Variants in PIK3C2G observed in about 807,000 individuals in gnomAD.
PIK3C2G encodes the protein phosphatidylinositol 3-kinase C2 domain-containing subunit gamma.
A neutral mutation model predicts 181.1 loss-of-function variants in PIK3C2G; 168 were observed. The observed-to-expected ratio is 0.93, with a 90% CI of 0.82 to 1.05. PIK3C2G has a LOEUF of 1.05. Ranked by LOEUF, PIK3C2G falls within the 50% of genes least tolerant of loss-of-function variation. The probability of loss-of-function intolerance (pLI) is 0.00; values close to 1 mark genes in which losing one functional copy is unlikely to be tolerated. For synonymous variants in PIK3C2G, 573 were observed against 592.2 expected (o/e 0.97, Z 0.47); for missense variants, 1,869 against 1,732.8 (o/e 1.08, Z -1.40).
chr12:18,296,814 T>C (rs1297548907), intron 5 of PIK3C2G, among the ~76,000 whole-genome samples: 1 of 152,004 alleles, frequency 6.6e-6, no homozygotes, highest in Non-Finnish European at 1.5e-5. Flanking sequence ...ACAGAGCAAA[T>C]TAAAGAATCA....
intron 13 of PIK3C2G, among the ~76,000 whole-genome samples, chr12:18,372,073 TA>T (rs1217591857): frequency 6.6e-6 from 1 of 152,168 alleles, no homozygotes; most frequent in East Asian, 1.9e-4. Context: ...GATACAAAAA[TA>T]TTTTTTTAAT....
At chr12:18,639,046 T>C (rs913886242) in intron 31 of PIK3C2G, among the ~76,000 whole-genome samples, 6 of 151,902 alleles carry the variant, frequency 3.9e-5, no homozygotes, top group African/African-American at 1.4e-4. Context: ...TAGATTTCAG[T>C]GCTCCCCCTC....
chr12:18,473,729 T>C (rs987502302), intron 18 of PIK3C2G, among the ~76,000 whole-genome samples: 1 of 152,164 alleles, frequency 6.6e-6, no homozygotes, highest in African/African-American at 2.4e-5. Context: ...GCTATTGTTG[T>C]TATGATTATT....
intron 22 of PIK3C2G, 23 bp from the exon 23 acceptor site, chr12:18,503,258 G>C: frequency 6.4e-7 from 1 of 1,574,298 alleles, no homozygotes; most frequent in Non-Finnish European, 8.6e-7. Context: ...AATTGTCTCT[G>C]TAATCTTTTT....
rs565346990 is a variant in PIK3C2G, at chr12:18,332,451, A to T, written c.1273-5975A>T. ...GTCTCAGGACTAGGACTCTTGGAGC[A>T]TTCCTGCCCCTCCTCCACATGGCGG... On this transcript the variant is annotated intron_variant, in intron 8 of 32. Transcript: ENST00000538779. 3.3e-5 allele frequency among the ~76,000 whole-genome samples: 5 copies of T among 152,242 alleles called. No individual in the cohort carries two copies. In the South Asian group the frequency reaches 1.0e-3, roughly 32 times the overall value.
intron 3 of PIK3C2G, among the ~76,000 whole-genome samples, chr12:18,289,214 A>T (rs951741707): frequency 5.9e-5 from 9 of 152,188 alleles, no homozygotes; most frequent in African/African-American, 2.2e-4. Flanking sequence ...GTTTCAAAAG[A>T]GGTTCTCCAA....
chr12:18,303,158 TC>T (rs1565575767), intron 5 of PIK3C2G, among the ~76,000 whole-genome samples: 1 of 115,678 alleles, frequency 8.6e-6, no homozygotes, highest in Non-Finnish European at 1.8e-5. Context: ...CTTTCTTCTT[TC>T]TCTTTCTTTC....
chr12:18,315,440 G>C (rs951749398), intron 6 of PIK3C2G, among the ~76,000 whole-genome samples: 32 of 152,134 alleles, frequency 2.1e-4, no homozygotes, highest in South Asian at 6.2e-4. Flanking sequence ...TGGAGCATGG[G>C]GGAAGAAGAT....
chr12:18,326,863 G>A (rs1369243033), intron 8 of PIK3C2G, among the ~76,000 whole-genome samples: 1 of 152,154 alleles, frequency 6.6e-6, no homozygotes, highest in Admixed American at 6.5e-5. Flanking sequence ...ACCTACTTAT[G>A]AATGAATTTT....
the PIK3C2G span, among the ~76,000 whole-genome samples, chr12:18,694,656 T>A: frequency 6.6e-6 from 1 of 152,204 alleles, no homozygotes; most frequent in Middle Eastern, 3.4e-3. Flanking sequence ...AATCATATAG[T>A]AGAACTTTGA....
chr12:18,629,996 T>C (rs986363691), intron 31 of PIK3C2G, among the ~76,000 whole-genome samples: 22 of 152,164 alleles, frequency 1.4e-4, no homozygotes, highest in Non-Finnish European at 2.6e-4. Context: ...ACACACCTCA[T>C]TGACTCAGTC....
intron 21 of PIK3C2G, among the ~76,000 whole-genome samples, chr12:18,497,384 G>C: frequency 6.6e-6 from 1 of 152,114 alleles, no homozygotes; most frequent in East Asian, 1.9e-4. Flanking sequence ...AACATTCCAA[G>C]CAGCACCTCT....
At chr12:18,249,441 T>G (rs111395825) in intron 1 of PIK3C2G, among the ~76,000 whole-genome samples, 14,339 of 152,200 alleles carry the variant, frequency 0.094, 743 homozygotes, top group South Asian at 0.12. Context: ...CTCCCTGACT[T>G]CCACTACAAG....
At chr12:18,702,254 A>C in the PIK3C2G span, among the ~76,000 whole-genome samples, 2 of 151,978 alleles carry the variant, frequency 1.3e-5, no homozygotes, top group Non-Finnish European at 2.9e-5. Flanking sequence ...ATTCGTAATA[A>C]AGGCTCTTCA....
intron 18 of PIK3C2G, among the ~76,000 whole-genome samples, chr12:18,442,936 A>G: frequency 6.6e-6 from 1 of 152,016 alleles, no homozygotes; most frequent in South Asian, 2.1e-4. Context: ...CAATGGTGCA[A>G]TCTCGGCTCA....
chr12:18,566,225 T>G (rs1945625981), intron 28 of PIK3C2G, among the ~76,000 whole-genome samples: 1 of 152,120 alleles, frequency 6.6e-6, no homozygotes, highest in African/African-American at 2.4e-5. Flanking sequence ...TCATTTCCCC[T>G]CCAAGCATGG....
At chr12:18,284,259 G>A (rs1396211518) in intron 2 of PIK3C2G, among the ~76,000 whole-genome samples, 1 of 152,070 alleles carries the variant, frequency 6.6e-6, no homozygotes, top group Non-Finnish European at 1.5e-5. Context: ...AGCGCTTCAG[G>A]CATTCAAATG....
downstream of PIK3C2G, among the ~76,000 whole-genome samples, chr12:18,650,347 A>G (rs12823816): frequency 4.7e-3 from 539 of 114,308 alleles, 2 homozygotes; most frequent in East Asian, 9.9e-3. Flanking sequence ...ATATATATAT[A>G]TGTGTGTGTG....
At chr12:18,653,846 C>G in the PIK3C2G span, among the ~76,000 whole-genome samples, 4 of 152,032 alleles carry the variant, frequency 2.6e-5, no homozygotes, top group Non-Finnish European at 5.9e-5. Context: ...AGAAAATGCC[C>G]TCTTCCTAGG....
Sources: gnomAD v4.1 joint callset for allele counts (sites outside exome capture counted in the v4.1 genomes callset) on GRCh38, gnomAD v4.1.1 for gene constraint, MANE v1.5 for transcripts, NCBI Gene and HGNC (gene_info 2026-07-23, HGNC 2026-07-21) for gene names.